The following TMCC1 variants were observed in gnomAD, a reference collection of about 807,000 sequenced individuals.
TMCC1 encodes the protein transmembrane and coiled-coil domain family 1, also known as transmembrane and coiled-coil domains protein 1.
Under a neutral mutation model 52.4 loss-of-function variants are expected in TMCC1, and 15 were observed. The observed-to-expected ratio is 0.29, with a 90% CI of 0.19 to 0.44. TMCC1 has a LOEUF of 0.44. TMCC1 is among the 20% of genes least tolerant of loss of function. TMCC1 has a pLI of 1.00. For synonymous variants in TMCC1, 279 were observed against 301.9 expected, an observed-to-expected ratio of 0.92 and a Z score of 0.79; for missense variants, 503 against 806.0, an observed-to-expected ratio of 0.62 and a Z score of 4.55.
chr3:129,877,624 C>CTTTT (rs760525326), intron 2 of TMCC1, among the ~76,000 whole-genome samples: 5 of 126,926 alleles, frequency 3.9e-5, no homozygotes, highest in Non-Finnish European at 6.5e-5. Flanking sequence ...ATCCCTAAGT[C>CTTTT]TTTTTTTTTT....
chr3:129,763,204 T>TAAAA lies in TMCC1; in HGVS notation c.576+64595_576+64598dup, dbSNP rs1177489452. On this transcript the variant is annotated intron_variant, in intron 4 of 6. Coordinates refer to ENST00000393238, the MANE Select transcript of TMCC1 (RefSeq NM_001017395.5). ...CAGAGCAAGACTCTGTCTCAAAAAA[T>TAAAA]AAAAAATAAATAAATAAATAAATAA... Among the ~76,000 whole-genome samples, 89 of 106,962 alleles carry TAAAA rather than the reference T, an allele frequency of 8.3e-4. 5 individuals carry two copies. The highest frequency in any genetic ancestry group is 1.1e-3 in the Non-Finnish European group (63 of 55,098). 70.2% of individuals were successfully genotyped at this position (106,962 alleles called of 152,430 possible).
At chr3:129,865,079 C>T (rs1046926674) in intron 2 of TMCC1, among the ~76,000 whole-genome samples, 12 of 152,122 alleles carry the variant, frequency 7.9e-5, no homozygotes, top group African/African-American at 2.4e-4. Flanking sequence ...ACCTGGGGTG[C>T]TGAGGAAGCC....
At position 129,701,365 on chromosome 3, in the gene TMCC1, G is replaced by C. The variant is rs970275907; in HGVS notation, c.577-30101C>G. Among the ~76,000 whole-genome samples, 5 of 152,186 alleles carry C rather than the reference G, an allele frequency of 3.3e-5. No homozygotes were observed. In the East Asian group the frequency reaches 9.6e-4, roughly 29 times the overall value. ...TCACCTGGCAATCACACTTCAGCTA[G>C]AAAGTCCCTAATTGCATTAACCTCC... On this transcript the variant is annotated intron_variant, in intron 4 of 6. Coordinates refer to ENST00000393238, the MANE Select transcript of TMCC1 (RefSeq NM_001017395.5).
At chr3:129,856,331 T>C (rs2060144140) in intron 2 of TMCC1, among the ~76,000 whole-genome samples, 1 of 152,086 alleles carries the variant, frequency 6.6e-6, no homozygotes, top group African/African-American at 2.4e-5. Flanking sequence ...ACCTCCAAAT[T>C]TGTGGCTGGT....
intron 4 of TMCC1, among the ~76,000 whole-genome samples, chr3:129,760,490 G>GTGTGTGTGTGTTTT (rs2053464395): frequency 7.1e-6 from 1 of 139,862 alleles, no homozygotes; most frequent in Non-Finnish European, 1.5e-5. Flanking sequence ...GTGTGTGTGT[G>GTGTGTGTGTGTTTT]TGTGTTTTTG....
intron 2 of TMCC1, among the ~76,000 whole-genome samples, chr3:129,861,241 C>A (rs2060382469): frequency 6.6e-6 from 1 of 152,204 alleles, no homozygotes; most frequent in South Asian, 2.1e-4. Context: ...GAGATCAAGA[C>A]CATCCTGGCC....
rs1001601244 is a variant in TMCC1, at chr3:129,648,680, G to A, written c.*2801C>T. 1.2e-4 allele frequency: 12 copies of A among 102,330 alleles called. No individual in the cohort carries two copies. The highest frequency in any genetic ancestry group is 2.0e-4 in the Non-Finnish European group (8 of 40,510). 6.3% of individuals were successfully genotyped at this position (102,330 alleles called of 1,614,324 possible). A position where few individuals can be genotyped will look rare whatever the true frequency, so the allele number is the denominator to read the frequency against. ...TTTCATTTTAAAGGGAATGAATACA[G>A]TTTTCTTTTCTTTTTTTTTTAGAGG... On this transcript the variant is annotated 3_prime_UTR_variant, in exon 7 of 7. Coordinates refer to ENST00000393238, the MANE Select transcript of TMCC1 (RefSeq NM_001017395.5).
chr3:129,705,135 G>A (rs1337837822), intron 4 of TMCC1, among the ~76,000 whole-genome samples: 4 of 152,142 alleles, frequency 2.6e-5, no homozygotes, highest in Admixed American at 6.6e-5. Flanking sequence ...CTGTGCAAAT[G>A]GCATCAGGGT....
intron 4 of TMCC1, among the ~76,000 whole-genome samples, chr3:129,685,763 A>C (rs571163113): frequency 9.2e-5 from 14 of 152,250 alleles, no homozygotes; most frequent in African/African-American, 3.1e-4. Flanking sequence ...CCAAAAGGCT[A>C]CTTGACTATA....
chr3:129,698,025 CCT>C (rs1314602901), intron 4 of TMCC1, among the ~76,000 whole-genome samples: 1 of 152,172 alleles, frequency 6.6e-6, no homozygotes, highest in Non-Finnish European at 1.5e-5. Flanking sequence ...ACTGTTCCAA[CCT>C]CTGTTACCCA....
At chr3:129,812,902 T>C (rs1317470578) in intron 4 of TMCC1, among the ~76,000 whole-genome samples, 3 of 151,866 alleles carry the variant, frequency 2.0e-5, no homozygotes, top group African/African-American at 7.3e-5. Context: ...GGGGAGAAAA[T>C]ACTTGAAAAT....
chr3:129,811,959 A>AAAAG (rs1284367428), intron 4 of TMCC1, among the ~76,000 whole-genome samples: 3 of 151,414 alleles, frequency 2.0e-5, no homozygotes, highest in South Asian at 2.1e-4. Context: ...AAAAAAAAAA[A>AAAAG]AAAGAAAGAA....
chr3:129,749,105 G>GC (rs1303083240), intron 4 of TMCC1, among the ~76,000 whole-genome samples: 3 of 144,618 alleles, frequency 2.1e-5, no homozygotes, highest in African/African-American at 7.8e-5. Flanking sequence ...AAAAGTTACC[G>GC]CCCCCTCAAC....
At chr3:129,686,931 G>C (rs541662043) in intron 4 of TMCC1, among the ~76,000 whole-genome samples, 1 of 152,082 alleles carries the variant, frequency 6.6e-6, no homozygotes, top group Non-Finnish European at 1.5e-5. Flanking sequence ...TGAAAACAGA[G>C]TTAAAGAAAG....
At chr3:129,878,023 A>G (rs1006963708) in intron 2 of TMCC1, among the ~76,000 whole-genome samples, 4 of 151,062 alleles carry the variant, frequency 2.6e-5, no homozygotes, top group Admixed American at 1.3e-4. Context: ...TAATGGCGCA[A>G]TCTCGGCTCA....
At chr3:129,838,004 C>A (rs773148315) in intron 2 of TMCC1, among the ~76,000 whole-genome samples, 1 of 152,154 alleles carries the variant, frequency 6.6e-6, no homozygotes. Flanking sequence ...GGAGAACATA[C>A]AACAGCTGTG....
At chr3:129,773,971 A>G (rs2054819633) in intron 4 of TMCC1, among the ~76,000 whole-genome samples, 1 of 152,214 alleles carries the variant, frequency 6.6e-6, no homozygotes, top group East Asian at 1.9e-4. Context: ...AAATTATTAT[A>G]TTGTATACCT....
At chr3:129,878,705 C>G (rs2061334477) in intron 2 of TMCC1, among the ~76,000 whole-genome samples, 1 of 152,192 alleles carries the variant, frequency 6.6e-6, no homozygotes, top group Non-Finnish European at 1.5e-5. Context: ...CTATTTTGCT[C>G]AGTGTAAATG....
At chr3:129,719,608 A>C (rs2049399461) in intron 4 of TMCC1, among the ~76,000 whole-genome samples, 1 of 152,332 alleles carries the variant, frequency 6.6e-6, no homozygotes, top group Admixed American at 6.5e-5. Flanking sequence ...CCAGGTAGAC[A>C]GAGTCAGAAT....
Sources: allele counts gnomAD v4.1 joint callset (sites outside exome capture counted in the v4.1 genomes callset), GRCh38; gene constraint gnomAD v4.1.1; transcripts MANE v1.5; gene names NCBI Gene and HGNC (gene_info 2026-07-23, HGNC 2026-07-21).